Variants in COLEC12 observed in about 807,000 individuals in gnomAD.
COLEC12 encodes collectin-12.
A neutral mutation model predicts 71.1 loss-of-function variants in COLEC12; 33 were observed. That is an observed-to-expected ratio of 0.46 (90% CI 0.35 to 0.62). The LOEUF (loss-of-function observed/expected upper bound fraction) is 0.62, where lower values mean the gene tolerates loss of function less well. Ranked by LOEUF, COLEC12 falls within the 20% of genes least tolerant of loss-of-function variation. The probability of loss-of-function intolerance (pLI) is 0.00; values close to 1 mark genes in which losing one functional copy is unlikely to be tolerated. For synonymous variants in COLEC12, 350 were observed against 353.0 expected, an observed-to-expected ratio of 0.99 and a Z score of 0.10; for missense variants, 765 against 916.1, an observed-to-expected ratio of 0.84 and a Z score of 2.13.
At chr18:451,654 G>A (rs1264694213) in intron 2 of COLEC12, among the ~76,000 whole-genome samples, 1 of 152,114 alleles carries the variant, frequency 6.6e-6, no homozygotes, top group Non-Finnish European at 1.5e-5. Flanking sequence ...GGTTGAGGCA[G>A]GAGAATTGCT....
chr18:496,695 A>G (rs940968880), intron 1 of COLEC12, among the ~76,000 whole-genome samples: 5 of 152,252 alleles, frequency 3.3e-5, no homozygotes, highest in African/African-American at 1.2e-4. Context: ...AGAAATATTT[A>G]TGCACAAAAG....
intron 1 of COLEC12, among the ~76,000 whole-genome samples, chr18:497,429 A>G (rs1268486654): frequency 7.5e-6 from 1 of 132,812 alleles, no homozygotes; most frequent in Non-Finnish European, 1.6e-5. Context: ...TGTTTGAGAG[A>G]GTCTTGCTTC....
intron 3 of COLEC12, among the ~76,000 whole-genome samples, chr18:354,665 G>C (rs150686639): frequency 6.6e-6 from 1 of 152,174 alleles, no homozygotes; most frequent in East Asian, 1.9e-4. Context: ...AGGAGTCACT[G>C]TGTGAGTAAA....
chr18:452,366 G>A (rs1027241092), intron 2 of COLEC12, among the ~76,000 whole-genome samples: 8 of 152,124 alleles, frequency 5.3e-5, no homozygotes, highest in Admixed American at 1.3e-4. Context: ...TTCTTATAGC[G>A]CTATAGTAAG....
intron 8 of COLEC12, among the ~76,000 whole-genome samples, chr18:329,014 G>C (rs1598326609): frequency 6.6e-6 from 1 of 152,200 alleles, no homozygotes; most frequent in East Asian, 1.9e-4. Context: ...GAGAAGCACA[G>C]CCTGTGTGGT....
chr18:391,083 A>G (rs1915454154), intron 2 of COLEC12, among the ~76,000 whole-genome samples: 1 of 152,164 alleles, frequency 6.6e-6, no homozygotes, highest in Admixed American at 6.5e-5. Flanking sequence ...CCATTTCTAA[A>G]TGATGGGTTT....
intron 1 of COLEC12, among the ~76,000 whole-genome samples, chr18:493,221 C>G (rs1182047819): frequency 6.6e-6 from 1 of 152,134 alleles, no homozygotes; most frequent in Non-Finnish European, 1.5e-5. Flanking sequence ...ACTATAGCCA[C>G]TCACCACCGC....
At chr18:384,971 C>G (rs4542729) in intron 2 of COLEC12, among the ~76,000 whole-genome samples, 61,548 of 152,006 alleles carry the variant, frequency 0.4, 12,797 homozygotes, top group Admixed American at 0.48. Context: ...AGCAATAAAA[C>G]GCAATCACAG....
chr18:321,098 A>G (rs1035002976), intron 9 of COLEC12, among the ~76,000 whole-genome samples: 1 of 152,228 alleles, frequency 6.6e-6, no homozygotes, highest in Non-Finnish European at 1.5e-5. Flanking sequence ...GTTGTTTCCC[A>G]GGCTGGAGTG....
At chr18:430,768 T>C (rs1158019913) in intron 2 of COLEC12, among the ~76,000 whole-genome samples, 2 of 152,174 alleles carry the variant, frequency 1.3e-5, no homozygotes, top group Non-Finnish European at 2.9e-5. Context: ...TGTAAAGCCA[T>C]GGTCATATGA....
In COLEC12 at chr18:477,535, C is replaced by T. The variant is rs185041752; in HGVS notation, c.58+3172G>A. ...TACCGTCTTTAGAAGAAAATCACAC[C>T]TTTACATTTCTTCAGGAGTAAGTTT... On this transcript the variant is annotated intron_variant, in intron 2 of 9. Coordinates refer to ENST00000400256, the MANE Select transcript of COLEC12 (RefSeq NM_130386.3). Among the ~76,000 whole-genome samples the T allele has an allele frequency of 3.2e-4, 48 of 150,184 alleles. No individual in the cohort carries two copies. In the East Asian group the frequency reaches 8.9e-3, roughly 28 times the overall value.
intron 8 of COLEC12, 85 bp downstream of exon 8, chr18:331,583 G>A (rs1490678343): frequency 2.6e-5 from 22 of 860,944 alleles, no homozygotes; most frequent in Non-Finnish European, 4.3e-5. Context: ...AGGTCATTAA[G>A]GAAGAAACTG....
intron 2 of COLEC12, among the ~76,000 whole-genome samples, chr18:378,318 G>A (rs1296224974): frequency 6.6e-6 from 1 of 152,198 alleles, no homozygotes; most frequent in African/African-American, 2.4e-5. Flanking sequence ...AGAAGAAGTT[G>A]TGAATTAAAC....
At chr18:424,135 TAC>T (rs1258673780) in intron 2 of COLEC12, 1 of 152,192 alleles carries the variant, frequency 6.6e-6, no homozygotes, top group Non-Finnish European at 1.5e-5. Context: ...TGTTATAAAT[TAC>T]ACCAAAGACT....
At chr18:400,657 T>A (rs1379429473) in intron 2 of COLEC12, among the ~76,000 whole-genome samples, 1 of 152,214 alleles carries the variant, frequency 6.6e-6, no homozygotes, top group Non-Finnish European at 1.5e-5. Context: ...GGTTTTGGAA[T>A]CCTGCAACTC....
chr18:385,842 T>C (rs1915333494), intron 2 of COLEC12, among the ~76,000 whole-genome samples: 1 of 152,128 alleles, frequency 6.6e-6, no homozygotes. Context: ...AGTAAAATGC[T>C]GATACTGGTT....
chr18:437,233 G>A (rs200084424), intron 2 of COLEC12, among the ~76,000 whole-genome samples: 10 of 152,150 alleles, frequency 6.6e-5, no homozygotes, highest in Admixed American at 2.0e-4. Flanking sequence ...CTCCAATCCT[G>A]TTTTAATTTT....
At position 330,949 on chromosome 18, in the gene COLEC12, G is replaced by A. The variant is rs59569951; in HGVS notation, c.2063+719C>T. On this transcript the variant is annotated intron_variant, in intron 8 of 9. Coordinates refer to ENST00000400256, the MANE Select transcript of COLEC12 (RefSeq NM_130386.3). Reference sequence around the variant, plus strand: ...GGCTGGAGTGCAGTGGCGCCATCTCGGCTTGCTACAACCTCCGCCTCCTGG... The same window carrying A: ...GGCTGGAGTGCAGTGGCGCCATCTCAGCTTGCTACAACCTCCGCCTCCTGG... Among the ~76,000 whole-genome samples, 976 of 147,666 alleles carry A rather than the reference G, an allele frequency of 6.6e-3. 12 individuals are homozygous for A. Among genetic ancestry groups the A allele is most frequent in the African/African-American group, 0.023 (926 of 40,044 alleles).
At chr18:340,968 G>C (rs1325112148) in intron 5 of COLEC12, among the ~76,000 whole-genome samples, 3 of 152,150 alleles carry the variant, frequency 2.0e-5, no homozygotes, top group Non-Finnish European at 4.4e-5. Context: ...GTTAATGGAT[G>C]CTCTCCAGGA....
Sources: allele counts gnomAD v4.1 joint callset (sites outside exome capture counted in the v4.1 genomes callset), GRCh38; gene constraint gnomAD v4.1.1; transcripts MANE v1.5; gene names NCBI Gene and HGNC (gene_info 2026-07-23, HGNC 2026-07-21).